ATP13A4: variants seen among roughly 807,000 people sequenced by gnomAD.
The protein encoded by ATP13A4 is ATPase 13A4.
Under a neutral mutation model 142.5 loss-of-function variants are expected in ATP13A4, and 114 were observed. The observed-to-expected ratio is 0.80, with a 90% CI of 0.69 to 0.93. ATP13A4 has a LOEUF of 0.93. ATP13A4 is among the 40% of genes least tolerant of loss of function. The pLI, the probability that ATP13A4 is intolerant of heterozygous loss-of-function variation, is 0.00. For missense variants in ATP13A4, 1,392 were observed against 1,454.0 expected (o/e 0.96, Z 0.69); for synonymous variants, 488 against 514.8 (o/e 0.95, Z 0.70).
chr3:193,543,958 G>T (rs552072062), intron 1 of ATP13A4, among the ~76,000 whole-genome samples: 1 of 152,322 alleles, frequency 6.6e-6, no homozygotes, highest in African/African-American at 2.4e-5. Context: ...CTCAGAAAGA[G>T]GCTGGCATCC....
intron 8 of ATP13A4, among the ~76,000 whole-genome samples, chr3:193,477,824 T>G (rs1368029688): frequency 1.3e-5 from 2 of 152,064 alleles, no homozygotes; most frequent in Non-Finnish European, 2.9e-5. Flanking sequence ...CACGAAGATC[T>G]GCCGAGGGTC....
intron 21 of ATP13A4, 45 bp from the exon 22 acceptor site, chr3:193,439,110 T>C: frequency 6.5e-7 from 1 of 1,530,784 alleles, no homozygotes; most frequent in East Asian, 2.3e-5. Flanking sequence ...AAACCTATCT[T>C]GCTAATTTCT....
At chr3:193,406,570 A>G (rs1396931928) in intron 29 of ATP13A4, among the ~76,000 whole-genome samples, 1 of 152,242 alleles carries the variant, frequency 6.6e-6, no homozygotes, top group Non-Finnish European at 1.5e-5. Context: ...GTGGAGAAAG[A>G]AAGCAGGAGC....
chr3:193,576,223 A>G (rs1398739823), intron 2 of ATP13A4, among the ~76,000 whole-genome samples: 10 of 135,362 alleles, frequency 7.4e-5, no homozygotes, highest in Non-Finnish European at 1.6e-4. Flanking sequence ...ACTTTCCACG[A>G]TCCATGGAAT....
At chr3:193,496,809 A>C (rs201205827) in intron 3 of ATP13A4, among the ~76,000 whole-genome samples, 2 of 105,500 alleles carry the variant, frequency 1.9e-5, no homozygotes, top group African/African-American at 3.7e-5. Flanking sequence ...TAAATAAATA[A>C]ATAAATAAAT....
At chr3:193,497,013 G>A (rs531376360) in intron 3 of ATP13A4, among the ~76,000 whole-genome samples, 26 of 152,060 alleles carry the variant, frequency 1.7e-4, no homozygotes, top group Admixed American at 9.8e-4. Context: ...TCTGGGCAAG[G>A]ATTTTTTGGA....
rs145971649 is a variant in ATP13A4 at position 193,423,257 on chromosome 3, G to T, written c.2843-8507C>A. ...ATCAAAAAACGTTCAGTACCTGATG[G>T]CTTCTCCACTGAATTCTACCAAACA... On this transcript the variant is annotated intron_variant, in intron 25 of 29. Transcript: ENST00000342695. Among the ~76,000 whole-genome samples, 766 of 149,562 alleles carry T rather than the reference G, an allele frequency of 5.1e-3. 50 individuals are homozygous for T. The highest frequency in any genetic ancestry group is 0.017 in the African/African-American group (707 of 40,836).
intron 23 of ATP13A4, among the ~76,000 whole-genome samples, chr3:193,436,338 T>C (rs1716265408): frequency 6.6e-6 from 1 of 152,192 alleles, no homozygotes; most frequent in South Asian, 2.1e-4. Flanking sequence ...GTTGATTGAT[T>C]TGAATAAATA....
At chr3:193,414,896 G>A in intron 25 of ATP13A4, 146 bp from the exon 26 acceptor site, 1 of 788,472 alleles carries the variant, frequency 1.3e-6, no homozygotes, top group Non-Finnish European at 2.1e-6. Flanking sequence ...AACAATTAAT[G>A]GACTCAAATT....
At chr3:193,409,945 C>T (rs141234439) in intron 28 of ATP13A4, among the ~76,000 whole-genome samples, 167 of 152,296 alleles carry the variant, frequency 1.1e-3, no homozygotes, top group African/African-American at 3.8e-3. Context: ...CCTCATGAGA[C>T]TCATCTTTGA....
chr3:193,458,013 TCA>T (rs1457898874), intron 14 of ATP13A4, among the ~76,000 whole-genome samples: 3 of 152,326 alleles, frequency 2.0e-5, no homozygotes, highest in South Asian at 4.1e-4. Flanking sequence ...TGTAATCATC[TCA>T]CTGAGTGGCT....
chr3:193,554,659 TG>T, intron 1 of ATP13A4, 80 bp downstream of exon 1: 1 of 49,456 alleles, frequency 2.0e-5, no homozygotes, highest in Non-Finnish European at 3.1e-5. Flanking sequence ...CGTGCGTGTG[TG>T]TGTGTGTGTG....
chr3:193,581,222 T>G (rs1445464227), intron 2 of ATP13A4, among the ~76,000 whole-genome samples: 1 of 152,212 alleles, frequency 6.6e-6, no homozygotes, highest in Non-Finnish European at 1.5e-5. Flanking sequence ...TGAAAGAATA[T>G]TGTCTCAATT....
intron 23 of ATP13A4, among the ~76,000 whole-genome samples, chr3:193,437,110 A>AAAAAAC (rs1716331257): frequency 7.1e-6 from 1 of 140,862 alleles, no homozygotes; most frequent in African/African-American, 3.2e-5. Flanking sequence ...TCTCAAAAAA[A>AAAAAAC]AAAAAAAAAA....
intron 2 of ATP13A4, among the ~76,000 whole-genome samples, chr3:193,568,713 C>T (rs1724194366): frequency 6.6e-6 from 1 of 151,962 alleles, no homozygotes; most frequent in Non-Finnish European, 1.5e-5. Context: ...CACAAATATA[C>T]AAGATGAGCC....
intron 2 of ATP13A4, among the ~76,000 whole-genome samples, chr3:193,579,901 A>G (rs912871803): frequency 1.3e-5 from 2 of 152,226 alleles, no homozygotes; most frequent in Non-Finnish European, 2.9e-5. Flanking sequence ...ATATTAGCAA[A>G]TATCATAACA....
chr3:193,583,235 C>G (rs1335818691), intron 1 of ATP13A4, among the ~76,000 whole-genome samples: 3 of 151,472 alleles, frequency 2.0e-5, no homozygotes, highest in Non-Finnish European at 4.4e-5. Flanking sequence ...GAGTTTGAGA[C>G]CAGCCTGGCC....
At chr3:193,492,857 C>T in intron 5 of ATP13A4, 60 bp downstream of exon 5, 1 of 1,230,504 alleles carries the variant, frequency 8.1e-7, no homozygotes, top group Non-Finnish European at 1.2e-6. Flanking sequence ...TACTAGCTGT[C>T]TATTTGGCTA....
chr3:193,507,668 T>C (rs1720929795), intron 2 of ATP13A4, among the ~76,000 whole-genome samples: 1 of 152,178 alleles, frequency 6.6e-6, no homozygotes, highest in Non-Finnish European at 1.5e-5. Context: ...TTGCTCATTT[T>C]TGTAGCTGTT....
Sources: allele counts gnomAD v4.1 joint callset (sites outside exome capture counted in the v4.1 genomes callset), GRCh38; gene constraint gnomAD v4.1.1; transcripts MANE v1.5; gene names NCBI Gene and HGNC (gene_info 2026-07-23, HGNC 2026-07-21).